Variants in STIM1 observed in about 807,000 individuals in gnomAD.
The protein encoded by STIM1 is stromal interaction molecule 1.
STIM1 carries 25 observed loss-of-function variants against 74.7 expected under a neutral mutation model. The observed-to-expected ratio is 0.33, with a 90% confidence interval of 0.24 to 0.47. STIM1 has a LOEUF of 0.47. STIM1 is among the 20% of genes least tolerant of loss of function. The probability of loss-of-function intolerance (pLI) is 1.00; values close to 1 mark genes in which losing one functional copy is unlikely to be tolerated. For synonymous variants in STIM1, 328 were observed against 348.8 expected (o/e 0.94, Z 0.66); for missense variants, 728 against 920.8 (o/e 0.79, Z 2.71).
At chr11:4,002,024 C>T (rs1240737806) in intron 2 of STIM1, among the ~76,000 whole-genome samples, 19 of 139,612 alleles carry the variant, frequency 1.4e-4, no homozygotes, top group Admixed American at 8.1e-4. Context: ...ATCAATTCAA[C>T]AAGAAGAGCT....
intron 1 of STIM1, among the ~76,000 whole-genome samples, chr11:3,945,406 A>G (rs776863100): frequency 4.6e-5 from 7 of 152,076 alleles, no homozygotes; most frequent in Non-Finnish European, 1.0e-4. Flanking sequence ...GTGAAACACA[A>G]TCTTTACTAA....
Position 4,027,979 on chromosome 11 carries a change from C to T in STIM1, c.385+3992C>T, listed in dbSNP as rs150724511. On this transcript the variant is annotated intron_variant, in intron 3 of 12. Transcript: ENST00000526596. Reference sequence around the variant, plus strand: ...TGGGAGGCACTGACCTAAGGGAATTCTCCTCTAACCATGGCTTTCATTTTT... The same window carrying T: ...TGGGAGGCACTGACCTAAGGGAATTTTCCTCTAACCATGGCTTTCATTTTT... Among the ~76,000 whole-genome samples, 828 of 152,310 alleles carry T rather than the reference C, an allele frequency of 5.4e-3. 6 individuals carry two copies. The highest frequency in any genetic ancestry group is 0.019 in the African/African-American group (796 of 41,554).
chr11:3,856,075 G>A lies in STIM1; in HGVS notation c.-196G>A, dbSNP rs1341950940. Reference sequence around the variant, plus strand: ...ACCCACTGTTGGACCTGAGGAGCCAGCCCTCCTCCCGCACCCAAACTTGGA... The same window carrying A: ...ACCCACTGTTGGACCTGAGGAGCCAACCCTCCTCCCGCACCCAAACTTGGA... On this transcript the variant is annotated 5_prime_UTR_variant, in exon 1 of 13. Transcript: ENST00000526596. 2 of 653,020 alleles carry A rather than the reference G, an allele frequency of 3.1e-6. No homozygotes were observed. The highest frequency in any genetic ancestry group is 3.6e-5 in the African/African-American group (2 of 55,772). 40.5% of individuals were successfully genotyped at this position (653,020 alleles called of 1,614,324 possible).
intron 1 of STIM1, among the ~76,000 whole-genome samples, chr11:3,910,515 T>C (rs947971360): frequency 6.6e-6 from 1 of 151,346 alleles, no homozygotes; most frequent in Non-Finnish European, 1.5e-5. Context: ...ATTGCTTGAG[T>C]TTAGGAGTTC....
chr11:4,064,763 A>C (rs907552754), intron 5 of STIM1, among the ~76,000 whole-genome samples: 3 of 152,124 alleles, frequency 2.0e-5, no homozygotes, highest in Non-Finnish European at 4.4e-5. Flanking sequence ...TGGCATGCTT[A>C]ATCCTCCCCA....
intron 2 of STIM1, chr11:3,973,891 A>T (rs932239358): frequency 1.5e-5 from 7 of 472,416 alleles, no homozygotes; most frequent in African/African-American, 2.0e-5. Flanking sequence ...TTTAAAACAA[A>T]TTTTTTTAAA....
At chr11:3,903,707 T>G (rs574180067) in intron 1 of STIM1, 2 of 152,338 alleles carry the variant, frequency 1.3e-5, no homozygotes, top group South Asian at 4.1e-4. Flanking sequence ...GAATTTGCTC[T>G]CCTGCTATAG....
At chr11:3,994,621 G>A (rs1375227629) in intron 2 of STIM1, among the ~76,000 whole-genome samples, 2 of 151,622 alleles carry the variant, frequency 1.3e-5, no homozygotes, top group East Asian at 1.9e-4. Flanking sequence ...CACCACACCC[G>A]GCTAATTTTT....
chr11:3,923,073 C>A (rs1194787631), intron 1 of STIM1, among the ~76,000 whole-genome samples: 1 of 149,516 alleles, frequency 6.7e-6, no homozygotes, highest in African/African-American at 2.5e-5. Flanking sequence ...GCACTCCAGC[C>A]TGGGAGACAG....
chr11:3,923,152 TC>T (rs2092741393), intron 1 of STIM1, among the ~76,000 whole-genome samples: 1 of 149,836 alleles, frequency 6.7e-6, no homozygotes, highest in Non-Finnish European at 1.5e-5. Context: ...CATAATGATT[TC>T]CCCATAATTT....
chr11:4,079,217 G>A (rs1456262858), intron 7 of STIM1, among the ~76,000 whole-genome samples: 3 of 152,038 alleles, frequency 2.0e-5, no homozygotes, highest in Non-Finnish European at 4.4e-5. Flanking sequence ...CCTGAACCTG[G>A]GAGGCGGAGC....
chr11:4,085,020 C>T (rs1233512087), intron 11 of STIM1, among the ~76,000 whole-genome samples: 1 of 151,834 alleles, frequency 6.6e-6, no homozygotes, highest in African/African-American at 2.4e-5. Context: ...GTGCAGGTAA[C>T]CTGGTAGCCC....
chr11:3,911,248 A>G (rs1372513178), intron 1 of STIM1, among the ~76,000 whole-genome samples: 3 of 152,036 alleles, frequency 2.0e-5, no homozygotes, highest in African/African-American at 7.3e-5. Context: ...TCAGAAGTCT[A>G]TTGCTTTCCT....
chr11:3,875,731 A>G (rs1412567909), intron 1 of STIM1, among the ~76,000 whole-genome samples: 2 of 151,954 alleles, frequency 1.3e-5, no homozygotes, highest in Non-Finnish European at 2.9e-5. Context: ...GTCTCAAAAA[A>G]AAAAAAACCC....
intron 2 of STIM1, among the ~76,000 whole-genome samples, chr11:4,003,822 T>G (rs2093747498): frequency 6.6e-6 from 1 of 152,188 alleles, no homozygotes; most frequent in South Asian, 2.1e-4. Context: ...ATGACATGAT[T>G]GTATATCTAG....
At chr11:4,020,396 A>G (rs2093944668) in intron 2 of STIM1, among the ~76,000 whole-genome samples, 1 of 152,130 alleles carries the variant, frequency 6.6e-6, no homozygotes. Context: ...TGGTGACTGT[A>G]CTAATTTACA....
intron 1 of STIM1, among the ~76,000 whole-genome samples, chr11:3,938,695 A>G (rs1214092478): frequency 6.6e-6 from 1 of 152,150 alleles, no homozygotes; most frequent in Non-Finnish European, 1.5e-5. Context: ...AAAAATATAA[A>G]AATGAGCCTG....
At chr11:3,946,715 G>A (rs2093078896) in intron 1 of STIM1, among the ~76,000 whole-genome samples, 1 of 152,056 alleles carries the variant, frequency 6.6e-6, no homozygotes, top group Non-Finnish European at 1.5e-5. Context: ...TATGTTTCCT[G>A]ACCTGCTATA....
At chr11:4,046,927 A>G (rs2094198054) in intron 3 of STIM1, among the ~76,000 whole-genome samples, 1 of 152,220 alleles carries the variant, frequency 6.6e-6, no homozygotes, top group Non-Finnish European at 1.5e-5. Context: ...TGCTGGGATT[A>G]TAGGCATGAG....
Sources: allele counts gnomAD v4.1 joint callset (sites outside exome capture counted in the v4.1 genomes callset), GRCh38; gene constraint gnomAD v4.1.1; transcripts MANE v1.5; gene names NCBI Gene and HGNC (gene_info 2026-07-23, HGNC 2026-07-21).